TAB2: variants seen among roughly 807,000 people sequenced by gnomAD.
TAB2 encodes the protein TGF-beta activated kinase 1 (MAP3K7) binding protein 2.
In TAB2, 3 loss-of-function variants were observed where a neutral mutation model predicts 65.0. The observed-to-expected ratio is 0.05, with a 90% CI of 0.02 to 0.12. The LOEUF is 0.12. Among genes scored for constraint, TAB2 ranks in the 10% least tolerant of loss-of-function variants. The probability of loss-of-function intolerance (pLI) is 1.00; values close to 1 mark genes in which losing one functional copy is unlikely to be tolerated. For synonymous variants in TAB2, 298 were observed against 285.1 expected (o/e 1.05, Z -0.46); for missense variants, 623 against 840.3 (o/e 0.74, Z 3.20).
intron 1 of TAB2, among the ~76,000 whole-genome samples, chr6:149,228,196 T>C (rs2114629372): frequency 6.6e-6 from 1 of 152,162 alleles, no homozygotes; most frequent in East Asian, 1.9e-4. Flanking sequence ...CTGAAATGAA[T>C]CCATTTCTCC....
rs139591747 is a variant in TAB2 at position 149,400,345 on chromosome 6, G to A, written c.1939+1161G>A. 267 of 1,591,924 alleles carry A rather than the reference G, an allele frequency of 1.7e-4. 1 individual carries two copies. The African/African-American group carries it at 1.7e-3, about 10-fold the overall frequency. Reference sequence around the variant, plus strand: ...TCGTGTACTCGTTAGGTGCGGACCCGCCACCTCTTTTGTGAAGCAGCAGCT... The same window carrying A: ...TCGTGTACTCGTTAGGTGCGGACCCACCACCTCTTTTGTGAAGCAGCAGCT... On this transcript the variant is annotated intron_variant, in intron 6 of 6. Transcript: ENST00000637181.
At chr6:149,310,971 G>C (rs773394471) in intron 1 of TAB2, among the ~76,000 whole-genome samples, 1 of 152,018 alleles carries the variant, frequency 6.6e-6, no homozygotes, top group Non-Finnish European at 1.5e-5. Flanking sequence ...GTGTGTTTGC[G>C]TTCCCCATAC....
At chr6:149,368,291 C>T (rs1016051554) in intron 1 of TAB2, among the ~76,000 whole-genome samples, 14 of 152,000 alleles carry the variant, frequency 9.2e-5, no homozygotes, top group Non-Finnish European at 1.9e-4. Context: ...AAGTTGAGGA[C>T]TGAGAACTCA....
intron 1 of TAB2, among the ~76,000 whole-genome samples, chr6:149,318,232 T>C (rs1478716829): frequency 2.4e-5 from 3 of 125,198 alleles, no homozygotes; most frequent in African/African-American, 8.4e-5. Context: ...CCGGTGGGGG[T>C]GGGGAGCATC....
chr6:149,312,175 A>T (rs1779176346), intron 1 of TAB2, among the ~76,000 whole-genome samples: 1 of 152,198 alleles, frequency 6.6e-6, no homozygotes, highest in Non-Finnish European at 1.5e-5. Flanking sequence ...GTTCATAACA[A>T]CTTCGGGTGC....
At chr6:149,360,991 G>A (rs1780828371) in intron 1 of TAB2, among the ~76,000 whole-genome samples, 1 of 152,186 alleles carries the variant, frequency 6.6e-6, no homozygotes, top group South Asian at 2.1e-4. Flanking sequence ...GAGCAGCCCT[G>A]CCTGTGTCTG....
intron 3 of TAB2, among the ~76,000 whole-genome samples, chr6:149,386,317 A>G (rs1350853952): frequency 6.6e-6 from 1 of 152,196 alleles, no homozygotes; most frequent in African/African-American, 2.4e-5. Flanking sequence ...GTTAATATAC[A>G]TGCAGTTGAC....
chr6:149,304,340 CA>C (rs1348036075), intron 1 of TAB2: 1 of 153,204 alleles, frequency 6.5e-6, no homozygotes, highest in Non-Finnish European at 1.5e-5. Context: ...AGATGCTTTT[CA>C]TTTTTATAGT....
intron 1 of TAB2, among the ~76,000 whole-genome samples, chr6:149,353,816 A>T (rs1280438037): frequency 1.3e-5 from 2 of 152,128 alleles, no homozygotes; most frequent in Non-Finnish European, 2.9e-5. Flanking sequence ...TTATTTTCTA[A>T]CTTTTCTTCA....
chr6:149,348,926 C>T (rs985567160), intron 1 of TAB2, among the ~76,000 whole-genome samples: 3 of 151,286 alleles, frequency 2.0e-5, no homozygotes, highest in Admixed American at 6.6e-5. Context: ...GAGATCGCAC[C>T]GTTGAACTCC....
At chr6:149,277,974 A>G (rs1286991923) in intron 1 of TAB2, among the ~76,000 whole-genome samples, 1 of 152,232 alleles carries the variant, frequency 6.6e-6, no homozygotes, top group East Asian at 1.9e-4. Context: ...TTAATGATAT[A>G]AATTAATTCA....
chr6:149,297,414 T>C (rs1381758441), intron 1 of TAB2, among the ~76,000 whole-genome samples: 1 of 152,210 alleles, frequency 6.6e-6, no homozygotes. Flanking sequence ...CAAATAATGA[T>C]TTGGGTAAGA....
In TAB2 at chr6:149,378,183, C is replaced by T; in HGVS notation, c.268C>T (p.His90Tyr). Residue 90 changes from histidine (H) to tyrosine (Y), a missense_variant, in exon 3 of 7, where the codon CAT becomes TAT. By Grantham distance (83) the His-to-Tyr change is moderately conservative. Transcript: ENST00000637181. ...LDLQSQNIYHHGREGSRMNGS... is the reference protein window; with the variant it reads ...LDLQSQNIYHYGREGSRMNGS... The stretch of plus-strand genomic sequence containing the variant: ...CTTGCAATCACAGAACATTTACCAC[C>T]ATGGAAGAGAAGGAAGTAGGATGAA... 1 of 1,614,118 alleles carries T rather than the reference C, an allele frequency of 6.2e-7. No homozygotes were observed. Among genetic ancestry groups the T allele is most frequent in the South Asian group, 1.1e-5 (1 of 91,078 alleles).
intron 4 of TAB2, 43 bp downstream of exon 4, chr6:149,397,807 G>C (rs1344603359): frequency 6.2e-7 from 1 of 1,607,214 alleles, no homozygotes; most frequent in African/African-American, 1.3e-5. Flanking sequence ...TTGAACATGA[G>C]AGTAGGCCAT....
At chr6:149,367,633 G>A (rs1781082911) in intron 1 of TAB2, among the ~76,000 whole-genome samples, 1 of 152,180 alleles carries the variant, frequency 6.6e-6, no homozygotes, top group African/African-American at 2.4e-5. Flanking sequence ...GCAAAAAGAA[G>A]GAAGGTGGGG....
intron 1 of TAB2, among the ~76,000 whole-genome samples, chr6:149,248,297 C>T (rs1422573290): frequency 6.6e-6 from 1 of 152,004 alleles, no homozygotes; most frequent in Admixed American, 6.6e-5. Flanking sequence ...GAGGCTGAGG[C>T]AGGAGAATTG....
intron 1 of TAB2, among the ~76,000 whole-genome samples, chr6:149,333,082 C>G (rs1488036819): frequency 6.6e-6 from 1 of 152,178 alleles, no homozygotes; most frequent in Non-Finnish European, 1.5e-5. Flanking sequence ...AGCATGAGTA[C>G]AATACCTTGG....
chr6:149,405,963 A>G lies in TAB2; in HGVS notation c.1940-3614A>G, dbSNP rs139275335. ...GAATATGTTAATTAACTTGATTGTAATAAGTTTTTCACAGTATATACATAA... is the reference window on the plus strand; with the variant it reads ...GAATATGTTAATTAACTTGATTGTAGTAAGTTTTTCACAGTATATACATAA... On this transcript the variant is annotated intron_variant, in intron 6 of 6. Transcript: ENST00000637181. Among the ~76,000 whole-genome samples, 712 of 152,300 alleles carry G rather than the reference A, an allele frequency of 4.7e-3. 6 individuals are homozygous for G. Among genetic ancestry groups the G allele is most frequent in the African/African-American group, 0.017 (687 of 41,558 alleles).
chr6:149,336,050 C>G (rs1483985763), intron 1 of TAB2, among the ~76,000 whole-genome samples: 1 of 152,094 alleles, frequency 6.6e-6, no homozygotes, highest in Non-Finnish European at 1.5e-5. Flanking sequence ...CATTTTGTTT[C>G]AGAGCTTCAG....
Sources: allele counts gnomAD v4.1 joint callset (sites outside exome capture counted in the v4.1 genomes callset), GRCh38; gene constraint gnomAD v4.1.1; transcripts MANE v1.5; gene names NCBI Gene and HGNC (gene_info 2026-07-23, HGNC 2026-07-21).